DNAJB11: variants seen among roughly 807,000 people sequenced by gnomAD.
DNAJB11 encodes the protein dnaJ homolog subfamily B member 11.
A neutral mutation model predicts 47.2 loss-of-function variants in DNAJB11; 30 were observed. That is an observed-to-expected ratio of 0.64 (90% CI 0.48 to 0.86). DNAJB11 has a LOEUF of 0.86. DNAJB11 is among the 40% of genes least tolerant of loss of function. The pLI is 0.00. For missense variants in DNAJB11, 357 were observed against 440.2 expected (o/e 0.81, Z 1.69); for synonymous variants, 151 against 159.9 (o/e 0.94, Z 0.42).
chr3:186,582,640 A>C (rs1715524647), intron 6 of DNAJB11, 76 bp from the exon 7 acceptor site: 2 of 1,249,032 alleles, frequency 1.6e-6, no homozygotes, highest in Admixed American at 4.0e-5. Context: ...GGATTAAAAA[A>C]ATGTATCAGT....
chr3:186,581,942 G>A (rs1715499997), intron 5 of DNAJB11, 53 bp from the exon 6 acceptor site: 2 of 1,440,044 alleles, frequency 1.4e-6, no homozygotes, highest in Admixed American at 1.9e-5. Flanking sequence ...TATATCTGAT[G>A]TTTTGTTTAT....
intron 2 of DNAJB11, among the ~76,000 whole-genome samples, chr3:186,575,380 TG>T (rs1715250942): frequency 6.6e-6 from 1 of 151,734 alleles, no homozygotes; most frequent in Non-Finnish European, 1.5e-5. Context: ...TGTGTGTGTG[TG>T]TGTGTGTGTG....
chr3:186,582,161 T>G (rs1715510009), intron 6 of DNAJB11, 84 bp downstream of exon 6: 4 of 1,009,300 alleles, frequency 4.0e-6, no homozygotes, highest in African/African-American at 1.6e-5. Context: ...CCTGCCTTAC[T>G]CCATCTTAAT....
At position 186,585,660 on chromosome 3, in the gene DNAJB11, G is replaced by A; in HGVS notation, c.*252G>A. ...TTTAATGTCTGGTGCTGCCGCCTGA[G>A]TTTCAAGAATTAAAGCTGCAAGAGG... is the stretch of plus-strand genomic sequence containing the variant. On this transcript the variant is annotated 3_prime_UTR_variant, in exon 10 of 10. Transcript: ENST00000265028. 3.8e-6 allele frequency: 1 copy of A among 261,686 alleles called. No individual in the cohort carries two copies. Among genetic ancestry groups the A allele is most frequent in the Non-Finnish European group, 7.3e-6 (1 of 136,356 alleles). The allele number at this position is 261,686 out of a possible 1,614,324, so 16.2% of individuals were successfully genotyped here.
intron 4 of DNAJB11, chr3:186,581,144 T>A: frequency 2.2e-6 from 1 of 454,706 alleles, no homozygotes. Flanking sequence ...CGTCTCTACT[T>A]CTCCAGCTTT....
At chr3:186,584,991 AAGG>A (rs912852483) in intron 9 of DNAJB11, among the ~76,000 whole-genome samples, 13 of 152,224 alleles carry the variant, frequency 8.5e-5, no homozygotes, top group African/African-American at 2.4e-4. Flanking sequence ...TAGTAAGAGA[AAGG>A]AGAGCAATGA....
In DNAJB11 at chr3:186,581,301, T is replaced by C. The variant is rs546812156; in HGVS notation, c.457-70T>C. On this transcript the variant is annotated intron_variant, in intron 4 of 9. Coordinates refer to ENST00000265028, the MANE Select transcript of DNAJB11 (RefSeq NM_016306.6). ...TCAGTCCAGGCATATGTGCAGAGCC[T>C]TGATCAATTGAGGAAAGGAAAGGCT... 46 of 1,568,012 alleles carry C rather than the reference T, an allele frequency of 2.9e-5. No individual in the cohort carries two copies. In the Middle Eastern group the frequency reaches 7.9e-4, roughly 27 times the overall value.
intron 3 of DNAJB11, among the ~76,000 whole-genome samples, chr3:186,577,120 A>G (rs1715327234): frequency 6.6e-6 from 1 of 152,194 alleles, no homozygotes. Flanking sequence ...ACTAAGGCTG[A>G]TGCTTTTTTA....
intron 4 of DNAJB11, 111 bp downstream of exon 4, chr3:186,577,911 G>T: frequency 1.2e-6 from 1 of 868,616 alleles, no homozygotes; most frequent in Non-Finnish European, 1.7e-6. Context: ...AAGAGAGAGT[G>T]ATCAAATGCA....
intron 1 of DNAJB11, among the ~76,000 whole-genome samples, chr3:186,571,441 A>G (rs569675864): frequency 1.3e-5 from 2 of 152,294 alleles, no homozygotes; most frequent in South Asian, 4.2e-4. Context: ...CTCTATGCCA[A>G]GCCTTCGAAG....
At position 186,585,384 on chromosome 3, in the gene DNAJB11, A is replaced by G. The variant is rs906617406; in HGVS notation, c.1053A>G (p.Val351=). ...TGAAACAAGGGTCAGTGCAGAAGGTATACAATGGACTGCAAGGATATTGAG... is the reference window on the plus strand; with the variant it reads ...TGAAACAAGGGTCAGTGCAGAAGGTGTACAATGGACTGCAAGGATATTGAG... ...QLLKQGSVQK[V]YNGLQGY The change falls in exon 10 of 10, where the codon GTA becomes GTG. Residue 351 remains valine, a synonymous_variant. Transcript: ENST00000265028. The G allele has an allele frequency of 1.9e-6, 3 of 1,611,818 alleles. No individual in the cohort carries two copies. Among genetic ancestry groups the G allele is most frequent in the Middle Eastern group, 1.7e-4 (1 of 6,058 alleles).
chr3:186,575,980 G>A (rs1166646072), intron 3 of DNAJB11, 43 bp downstream of exon 3: 2 of 1,386,116 alleles, frequency 1.4e-6, no homozygotes, highest in Non-Finnish European at 2.0e-6. Flanking sequence ...GTCTGAGAGA[G>A]GGTCACTTAG....
At chr3:186,576,862 CTTTA>C (rs1715317891) in intron 3 of DNAJB11, among the ~76,000 whole-genome samples, 1 of 152,154 alleles carries the variant, frequency 6.6e-6, no homozygotes, top group Non-Finnish European at 1.5e-5. Context: ...TTCCCCTTGC[CTTTA>C]TTTAAGATTC....
chr3:186,572,369 T>C, intron 2 of DNAJB11, 118 bp downstream of exon 2: 1 of 1,018,198 alleles, frequency 9.8e-7, no homozygotes, highest in Non-Finnish European at 1.4e-6. Flanking sequence ...ATTTTGAGAC[T>C]GAGTCTCTAT....
intron 8 of DNAJB11, 134 bp from the exon 9 acceptor site, chr3:186,584,296 A>G: frequency 1.1e-6 from 1 of 876,354 alleles, no homozygotes; most frequent in Non-Finnish European, 1.7e-6. Flanking sequence ...TCTTAATGGT[A>G]TTTCCTTTGC....
At chr3:186,575,748 A>G (rs924655446) in intron 2 of DNAJB11, 92 bp from the exon 3 acceptor site, 16 of 942,692 alleles carry the variant, frequency 1.7e-5, no homozygotes, top group Non-Finnish European at 2.5e-5. Flanking sequence ...TTTTAGACCC[A>G]CTGTCAAAGT....
chr3:186,578,228 C>T (rs1449980645), intron 4 of DNAJB11: 1 of 152,218 alleles, frequency 6.6e-6, no homozygotes, highest in Non-Finnish European at 1.5e-5. Flanking sequence ...TTTTCACTCA[C>T]TATTATGTTA....
intron 1 of DNAJB11, among the ~76,000 whole-genome samples, chr3:186,571,335 A>T (rs1420660588): frequency 6.6e-6 from 1 of 152,190 alleles, no homozygotes; most frequent in Non-Finnish European, 1.5e-5. Flanking sequence ...GTAAGGAAAG[A>T]TAGTGACAGT....
At chr3:186,579,923 A>G (rs1416717838) in intron 4 of DNAJB11, 1 of 152,222 alleles carries the variant, frequency 6.6e-6, no homozygotes, top group Non-Finnish European at 1.5e-5. Flanking sequence ...GCCTGTGCAT[A>G]TGTGCCATCT....
Sources: allele counts gnomAD v4.1 joint callset (sites outside exome capture counted in the v4.1 genomes callset), GRCh38; gene constraint gnomAD v4.1.1; transcripts MANE v1.5; gene names NCBI Gene and HGNC (gene_info 2026-07-23, HGNC 2026-07-21).